ADAT2: variants seen among roughly 807,000 people sequenced by gnomAD.
ADAT2 encodes adenosine deaminase tRNA specific 2.
A neutral mutation model predicts 25.9 loss-of-function variants in ADAT2; 26 were observed. The ratio of observed to expected loss-of-function variants is 1.00; its 90% CI spans 0.74 to 1.39. The LOEUF is 1.39. Among genes scored for constraint, ADAT2 ranks in the 40% most tolerant of loss-of-function variants. ADAT2 has a pLI of 0.00. For missense variants in ADAT2, 220 were observed against 244.8 expected (o/e 0.90, Z 0.68); for synonymous variants, 76 against 86.8 (o/e 0.88, Z 0.69).
At chr6:143,435,015 G>A (rs2128740529) in intron 2 of ADAT2, among the ~76,000 whole-genome samples, 1 of 152,212 alleles carries the variant, frequency 6.6e-6, no homozygotes, top group Middle Eastern at 3.4e-3. Context: ...GGCCCAAGAT[G>A]CCATGGAAGC....
chr6:143,430,112 C>T (rs1316832673), intron 4 of ADAT2, among the ~76,000 whole-genome samples: 1 of 152,202 alleles, frequency 6.6e-6, no homozygotes, highest in Non-Finnish European at 1.5e-5. Context: ...TCTGACCGCT[C>T]TTGCCTCCCT....
Position 143,439,346 on chromosome 6 carries a change from CAA to C in ADAT2, c.97-654_97-653del, listed in dbSNP as rs35250658. On this transcript the variant is annotated intron_variant, in intron 1 of 5. Coordinates refer to ENST00000237283, the MANE Select transcript of ADAT2 (RefSeq NM_182503.3). ...TTTAAAAGAAGGGAATATGTGTCTA[CAA>C]AAAAAAAAAAAAAAAGAAGAAGAAA... 7.7e-4 allele frequency among the ~76,000 whole-genome samples: 86 copies of C among 111,518 alleles called. 1 individual carries two copies. Among genetic ancestry groups the C allele is most frequent in the Admixed American group, 1.3e-3 (14 of 10,868 alleles). 73.2% of individuals were successfully genotyped at this position (111,518 alleles called of 152,430 possible). A position where few individuals can be genotyped will look rare whatever the true frequency, so the allele number is the denominator to read the frequency against.
chr6:143,437,904 T>C lies in ADAT2; in HGVS notation c.201+686A>G, dbSNP rs989437099. On this transcript the variant is annotated intron_variant, in intron 2 of 5. Coordinates refer to ENST00000237283, the MANE Select transcript of ADAT2 (RefSeq NM_182503.3). The surrounding 1 kb of genome is among the most constrained non-coding windows in gnomAD (Gnocchi z 4.1). ...TTATACTTCCCAAGTATACTTATCA[T>C]GACACACTATTGTGATACCATGTTT... is the stretch of plus-strand genomic sequence containing the variant. Among the ~76,000 whole-genome samples, 9 of 152,238 alleles carry C rather than the reference T, an allele frequency of 5.9e-5. No individual in the cohort carries two copies. Among genetic ancestry groups the C allele is most frequent in the African/African-American group, 2.2e-4 (9 of 41,466 alleles).
Position 143,428,380 on chromosome 6 carries a change from T to C in ADAT2, c.*83A>G. The C allele has an allele frequency of 6.9e-7, 1 of 1,442,274 alleles. No homozygotes were observed. Among genetic ancestry groups the C allele is most frequent in the Non-Finnish European group, 9.6e-7 (1 of 1,042,654 alleles). The allele number at this position is 1,442,274 out of a possible 1,614,324, so 89.3% of individuals were successfully genotyped here. A position where few individuals can be genotyped will look rare whatever the true frequency, so the allele number is the denominator to read the frequency against. ...AGATTAAAAACAATATATAAACATA[T>C]GATTCAACGATGTCAACAGCTTTCA... On this transcript the variant is annotated 3_prime_UTR_variant, in exon 6 of 6. Transcript: ENST00000237283. The surrounding 1 kb of genome is among the most constrained non-coding windows in gnomAD (Gnocchi z 5.0).
chr6:143,447,211 G>A (rs975855706), intron 1 of ADAT2, among the ~76,000 whole-genome samples: 1 of 152,294 alleles, frequency 6.6e-6, no homozygotes, highest in African/African-American at 2.4e-5. Flanking sequence ...TAATACAACT[G>A]AGGAGCTAGA....
chr6:143,430,690 C>G (rs1375950692), intron 4 of ADAT2, among the ~76,000 whole-genome samples: 1 of 152,088 alleles, frequency 6.6e-6, no homozygotes, highest in Non-Finnish European at 1.5e-5. Flanking sequence ...CTCGGCCTCC[C>G]AAGTAGCTGG....
Position 143,446,569 on chromosome 6 carries a change from G to GA in ADAT2, c.96+3993dup, listed in dbSNP as rs908771328. ...GTATATGCCTCGGCAATTCACAGAA[G>GA]AAAAAAATCTAAATGTTCAATTAAA... On this transcript the variant is annotated intron_variant, in intron 1 of 5. Coordinates refer to ENST00000237283, the MANE Select transcript of ADAT2 (RefSeq NM_182503.3). This position sits in a 1 kb window ranked among gnomAD's most constrained non-coding sequence, Gnocchi z 5.0. Among the ~76,000 whole-genome samples, 1 of 151,780 alleles carries GA rather than the reference G, an allele frequency of 6.6e-6. No individual in the cohort carries two copies. The highest frequency in any genetic ancestry group is 2.4e-5 in the African/African-American group (1 of 41,312).
At position 143,444,419 on chromosome 6, in the gene ADAT2, A is replaced by G. The variant is rs952209242; in HGVS notation, c.97-5725T>C. On this transcript the variant is annotated intron_variant, in intron 1 of 5. Transcript: ENST00000237283. The surrounding 1 kb of genome is among the most constrained non-coding windows in gnomAD (Gnocchi z 4.3). ...GGGGAACTCCTTTACAACAATTAAC[A>G]TGTAGATTTGCTTCACTAACAAGTT... 3 of 152,216 alleles carry G rather than the reference A, an allele frequency of 2.0e-5. No individual in the cohort carries two copies. Among genetic ancestry groups the G allele is most frequent in the African/African-American group, 7.2e-5 (3 of 41,430 alleles). 9.4% of individuals were successfully genotyped at this position (152,216 alleles called of 1,614,324 possible). A position where few individuals can be genotyped will look rare whatever the true frequency, so the allele number is the denominator to read the frequency against.
Position 143,444,856 on chromosome 6 carries a change from CT to C in ADAT2, c.96+5706del, listed in dbSNP as rs200456994. 235,762 of 1,115,932 alleles carry C rather than the reference CT, an allele frequency of 0.21. 25,623 individuals are homozygous for C. The highest frequency in any genetic ancestry group is 0.22 in the African/African-American group (13,465 of 61,006). 69.1% of individuals were successfully genotyped at this position (1,115,932 alleles called of 1,614,324 possible). ...AAGAGACTTCGTAGTTTATTATTTT[CT>C]CCAAAGACATTACTACTATAAACTG... is the stretch of plus-strand genomic sequence containing the variant. On this transcript the variant is annotated intron_variant, in intron 1 of 5. Coordinates refer to ENST00000237283, the MANE Select transcript of ADAT2 (RefSeq NM_182503.3). The surrounding 1 kb of genome is among the most constrained non-coding windows in gnomAD (Gnocchi z 4.3).
chr6:143,433,937 A>G lies in ADAT2; in HGVS notation c.246T>C (p.Asp82=), dbSNP rs762780273. The change falls in exon 3 of 6, where the codon GAT becomes GAC. Residue 82 remains aspartate, a synonymous_variant. Transcript: ENST00000237283. ...AEMVAIDQVL[D]WCRQSGKSPS... is the part of the protein sequence containing the mutation. ...GACTCTTGCCACTTTGACGACACCA[A>G]TCGAGGACCTGATCGATGGCCACCA... is the stretch of plus-strand genomic sequence containing the variant. 5.6e-6 allele frequency: 9 copies of G among 1,614,178 alleles called. No individual in the cohort carries two copies. The highest frequency in any genetic ancestry group is 3.3e-5 in the South Asian group (3 of 91,084).
chr6:143,435,579 A>G (rs1779249811), intron 2 of ADAT2, among the ~76,000 whole-genome samples: 1 of 152,236 alleles, frequency 6.6e-6, no homozygotes, highest in South Asian at 2.1e-4. Context: ...TTCTCATCTT[A>G]AGACATCATA....
chr6:143,433,414 G>A (rs1194204220), intron 3 of ADAT2, among the ~76,000 whole-genome samples: 3 of 151,822 alleles, frequency 2.0e-5, no homozygotes, highest in South Asian at 2.1e-4. Context: ...TGATACATTA[G>A]TATTCATGGC....
rs1779616313 is a variant in ADAT2 at position 143,446,906 on chromosome 6, A to T, written c.96+3657T>A. 6.6e-6 allele frequency among the ~76,000 whole-genome samples: 1 copy of T among 152,206 alleles called. No individual in the cohort carries two copies. On this transcript the variant is annotated intron_variant, in intron 1 of 5. Transcript: ENST00000237283. The surrounding 1 kb of genome is among the most constrained non-coding windows in gnomAD (Gnocchi z 5.0). ...CTGTGCATAGCATAGTATCTGGAAC[A>T]CACCAAGAGTGCAACACTATTACTT...
In ADAT2 at chr6:143,432,707, C is replaced by A. The variant is rs975628463; in HGVS notation, c.353-96G>T. The A allele has an allele frequency of 5.4e-6, 6 of 1,116,810 alleles. No individual in the cohort carries two copies. Among genetic ancestry groups the A allele is most frequent in the Middle Eastern group, 2.0e-4 (1 of 5,106 alleles). 69.2% of individuals were successfully genotyped at this position (1,116,810 alleles called of 1,614,324 possible). ...TTATACCAGCCATCCTGGAGAGGAA[C>A]GCTCATGCTACTCTTCAAACCAGTG... On this transcript the variant is annotated intron_variant, in intron 3 of 5. Transcript: ENST00000237283. The surrounding 1 kb of genome is among the most constrained non-coding windows in gnomAD (Gnocchi z 4.4).
rs1778984721 is a variant in ADAT2, at chr6:143,427,854, T to C, written c.*609A>G. The C allele has an allele frequency of 6.6e-6, 1 of 152,300 alleles. No individual in the cohort carries two copies. The highest frequency in any genetic ancestry group is 2.4e-5 in the African/African-American group (1 of 41,460). 9.4% of individuals were successfully genotyped at this position (152,300 alleles called of 1,614,324 possible). On this transcript the variant is annotated 3_prime_UTR_variant, in exon 6 of 6. Transcript: ENST00000237283. Reference sequence around the variant, plus strand: ...ATAAGGTTTTATTATAGCAATATGCTATAATTTTTAAGTGACAACTCAAGC... The same window carrying C: ...ATAAGGTTTTATTATAGCAATATGCCATAATTTTTAAGTGACAACTCAAGC...
At chr6:143,443,715 T>C (rs568178494) in intron 1 of ADAT2, among the ~76,000 whole-genome samples, 2 of 151,362 alleles carry the variant, frequency 1.3e-5, no homozygotes, top group African/African-American at 2.4e-5. Flanking sequence ...CCTGTAATCC[T>C]AGCTACTTGG....
At chr6:143,433,176 A>G (rs1562638129) in intron 3 of ADAT2, among the ~76,000 whole-genome samples, 1 of 152,204 alleles carries the variant, frequency 6.6e-6, no homozygotes, top group Non-Finnish European at 1.5e-5. Flanking sequence ...CCATCCGTAC[A>G]TAGTAAAATA....
rs967801659 is a variant in ADAT2, at chr6:143,444,992, G to A, written c.96+5571C>T. ...TTCCTATAAAGACAAAAAATTAGGG[G>A]GAACAAACAAGTTAGCCAGAACTCT... On this transcript the variant is annotated intron_variant, in intron 1 of 5. Transcript: ENST00000237283. This position sits in a 1 kb window ranked among gnomAD's most constrained non-coding sequence, Gnocchi z 4.3. 2 of 1,298,408 alleles carry A rather than the reference G, an allele frequency of 1.5e-6. No homozygotes were observed. Among genetic ancestry groups the A allele is most frequent in the Non-Finnish European group, 1.0e-6 (1 of 984,616 alleles). 80.4% of individuals were successfully genotyped at this position (1,298,408 alleles called of 1,614,324 possible). A position where few individuals can be genotyped will look rare whatever the true frequency, so the allele number is the denominator to read the frequency against.
At chr6:143,438,532 C>A in intron 2 of ADAT2, 58 bp downstream of exon 2, 3 of 1,372,460 alleles carry the variant, frequency 2.2e-6, no homozygotes, top group Non-Finnish European at 3.1e-6. Context: ...GTGGTAAATT[C>A]TCTCCAGTCC....
Sources: gnomAD v4.1 joint callset for allele counts (sites outside exome capture counted in the v4.1 genomes callset) on GRCh38, gnomAD v4.1.1 for gene constraint, Gnocchi (gnomAD v3.1) non-coding constraint, MANE v1.5 for transcripts, NCBI Gene and HGNC (gene_info 2026-07-23, HGNC 2026-07-21) for gene names.